Variants in DOCK9 observed in about 807,000 individuals in gnomAD.
DOCK9 encodes dedicator of cytokinesis protein 9.
In DOCK9, 89 loss-of-function variants were observed where a neutral mutation model predicts 263.3. The observed-to-expected ratio is 0.34, with a 90% CI of 0.28 to 0.40. The LOEUF is 0.40. DOCK9 is among the 10% of genes least tolerant of loss of function. DOCK9 has a pLI of 1.00. For missense variants in DOCK9, 2,140 were observed against 2,603.4 expected (o/e 0.82, Z 3.87); for synonymous variants, 976 against 973.1 (o/e 1.00, Z -0.06).
chr13:99,071,306 CTTTTTTTTTTTT>C (rs71114578), intron 1 of DOCK9, among the ~76,000 whole-genome samples: 3 of 49,320 alleles, frequency 6.1e-5, no homozygotes, highest in African/African-American at 1.1e-4. Context: ...CCATGCCTGG[CTTTTTTTTTTTT>C]TTTTTTTTTT....
intron 38 of DOCK9, among the ~76,000 whole-genome samples, chr13:98,841,825 T>C (rs1467072838): frequency 6.6e-6 from 1 of 151,806 alleles, no homozygotes; most frequent in Non-Finnish European, 1.5e-5. Flanking sequence ...TTGTTTTTAG[T>C]AGAGACGGGG....
intron 1 of DOCK9, among the ~76,000 whole-genome samples, chr13:99,071,917 A>G (rs899970121): frequency 2.0e-5 from 3 of 152,090 alleles, no homozygotes; most frequent in African/African-American, 4.8e-5. Flanking sequence ...CTTCCTCATC[A>G]TGGGGCATTA....
At chr13:98,978,597 T>C (rs1429301476), upstream of DOCK9, among the ~76,000 whole-genome samples, 3 of 152,210 alleles carry the variant, frequency 2.0e-5, no homozygotes, top group Non-Finnish European at 4.4e-5. Flanking sequence ...AACATTTTCA[T>C]GGGATACCAC....
intron 6 of DOCK9, 84 bp from the exon 7 acceptor site, chr13:98,921,172 C>T (rs1318881637): frequency 5.1e-6 from 7 of 1,377,454 alleles, no homozygotes; most frequent in Non-Finnish European, 6.9e-6. Context: ...TGACTACATA[C>T]ATACATAAAA....
At chr13:98,856,932 A>G (rs1164030508) in intron 33 of DOCK9, 1 of 152,228 alleles carries the variant, frequency 6.6e-6, no homozygotes, top group Non-Finnish European at 1.5e-5. Context: ...CTATGAGCAG[A>G]AAGGAAATCT....
At chr13:99,051,855 C>CAAAAAAAAAAAAAAAAAAA (rs11392986) in intron 1 of DOCK9, among the ~76,000 whole-genome samples, 2 of 106,054 alleles carry the variant, frequency 1.9e-5, no homozygotes, top group Non-Finnish European at 1.9e-5. Flanking sequence ...CCACTAGTGG[C>CAAAAAAAAAAAAAAAAAAA]AAAAAAAAAA....
intron 1 of DOCK9, among the ~76,000 whole-genome samples, chr13:99,035,810 C>T (rs1034211137): frequency 6.6e-6 from 1 of 152,174 alleles, no homozygotes; most frequent in African/African-American, 2.4e-5. Context: ...CATGTGGATA[C>T]TTCTGCGAAG....
At chr13:98,969,599 T>C (rs572577575) in intron 1 of DOCK9, among the ~76,000 whole-genome samples, 1 of 152,322 alleles carries the variant, frequency 6.6e-6, no homozygotes, top group East Asian at 1.9e-4. Flanking sequence ...TAAAGCGGGA[T>C]GCCTGACAAC....
intron 9 of DOCK9, among the ~76,000 whole-genome samples, chr13:98,905,826 C>T (rs1334471746): frequency 6.6e-6 from 1 of 151,290 alleles, no homozygotes; most frequent in African/African-American, 2.4e-5. Flanking sequence ...TCTAAAATAT[C>T]CTGCAACCTT....
intron 2 of DOCK9, among the ~76,000 whole-genome samples, chr13:98,941,820 G>A (rs540451661): frequency 6.6e-6 from 1 of 152,194 alleles, no homozygotes; most frequent in Non-Finnish European, 1.5e-5. Context: ...CGAGAATAGA[G>A]GCTGTAATAA....
chr13:98,993,526 G>T (rs1317694116), intron 1 of DOCK9, among the ~76,000 whole-genome samples: 1 of 152,186 alleles, frequency 6.6e-6, no homozygotes, highest in Non-Finnish European at 1.5e-5. Flanking sequence ...GATAAAGAAA[G>T]GAAAGACTGA....
At position 98,852,760 on chromosome 13, in the gene DOCK9, TA is replaced by T. The variant is rs1214527137; in HGVS notation, c.3946+647del. Among the ~76,000 whole-genome samples, 9 of 152,350 alleles carry T rather than the reference TA, an allele frequency of 5.9e-5. 1 individual carries two copies. The East Asian group carries it at 1.7e-3, about 29-fold the overall frequency. On this transcript the variant is annotated intron_variant, in intron 35 of 52. Transcript: ENST00000682017. ...TACATAGCCAGATACACAGATGAGC[TA>T]ACAGAGTTGAAACTGTCCTGTCACA...
chr13:99,004,149 T>C (rs916585685), intron 1 of DOCK9, among the ~76,000 whole-genome samples: 2 of 152,166 alleles, frequency 1.3e-5, no homozygotes, highest in African/African-American at 2.4e-5. Context: ...CCTGCGTAGG[T>C]GCTTGTGGTA....
chr13:99,009,914 C>T (rs746074786), intron 1 of DOCK9, among the ~76,000 whole-genome samples: 13 of 150,120 alleles, frequency 8.7e-5, no homozygotes, highest in Non-Finnish European at 1.6e-4. Flanking sequence ...TTATATAGTA[C>T]TAAAGTATGA....
chr13:99,055,415 G>A lies in DOCK9; in HGVS notation c.129+30808C>T, dbSNP rs2040871110. Among the ~76,000 whole-genome samples the A allele has an allele frequency of 2.0e-5, 3 of 152,224 alleles. No homozygotes were observed. The East Asian group carries it at 5.8e-4, about 29-fold the overall frequency. On this transcript the variant is annotated intron_variant, in intron 1 of 32. Coordinates refer to the DOCK9 transcript ENST00000427887. ...AGGCGATTCTGTGTGAACAGGAAGT[G>A]GGAACGTCTGCGTTGGCTGGGCAGC... is the stretch of plus-strand genomic sequence containing the variant.
At chr13:98,999,948 C>G (rs542138201) in intron 1 of DOCK9, among the ~76,000 whole-genome samples, 11 of 152,262 alleles carry the variant, frequency 7.2e-5, no homozygotes, top group Non-Finnish European at 1.3e-4. Context: ...TGACCACTCC[C>G]TGCCTTGTTA....
chr13:98,829,387 A>G lies in DOCK9; in HGVS notation c.4885T>C (p.Tyr1629His). ...VDLQYSLAKS[Y>H]ASTPELRKTW... is the part of the protein sequence containing the mutation. ...TTCCTGAGCTCGGGCGTGCTGGCAT[A>G]GGATTTGGCCAGGCTGTACTGGAGG... The change falls in exon 43 of 53, where the codon TAT becomes CAT. Residue 1629 changes from tyrosine (Y) to histidine (H), a missense_variant. By Grantham distance (83) the Tyr-to-His change is moderately conservative (BLOSUM62 2). Coordinates refer to ENST00000682017, the MANE Select transcript of DOCK9 (RefSeq NM_001366683.2). The surrounding 1 kb of genome is among the most constrained non-coding windows in gnomAD (Gnocchi z 4.1). The G allele has an allele frequency of 6.2e-7, 1 of 1,613,802 alleles. No individual in the cohort carries two copies. The highest frequency in any genetic ancestry group is 8.5e-7 in the Non-Finnish European group (1 of 1,179,872).
chr13:98,937,349 A>G (rs1419561110), intron 2 of DOCK9, among the ~76,000 whole-genome samples: 1 of 152,238 alleles, frequency 6.6e-6, no homozygotes, highest in African/African-American at 2.4e-5. Context: ...CCCTTTACCA[A>G]GGTATGCACC....
chr13:99,022,636 G>C (rs1023468985), intron 1 of DOCK9, among the ~76,000 whole-genome samples: 1 of 152,178 alleles, frequency 6.6e-6, no homozygotes, highest in African/African-American at 2.4e-5. Flanking sequence ...AGGAGATCAA[G>C]TTAAATAGCT....
Sources: allele counts gnomAD v4.1 joint callset (sites outside exome capture counted in the v4.1 genomes callset), GRCh38; gene constraint gnomAD v4.1.1; non-coding constraint Gnocchi (gnomAD v3.1); transcripts MANE v1.5; gene names NCBI Gene and HGNC (gene_info 2026-07-23, HGNC 2026-07-21).